Variants in ERBIN observed in about 807,000 individuals in gnomAD.
ERBIN encodes the protein erbb2 interacting protein, also known as densin-180-like protein.
A neutral mutation model predicts 158.4 loss-of-function variants in ERBIN; 60 were observed. That is an observed-to-expected ratio of 0.38 (90% CI 0.31 to 0.47). The LOEUF is 0.47. Ranked by LOEUF, ERBIN falls within the 20% of genes least tolerant of loss-of-function variation. The probability of loss-of-function intolerance (pLI) is 0.99; values close to 1 mark genes in which losing one functional copy is unlikely to be tolerated. For missense variants in ERBIN, 1,610 were observed against 1,648.0 expected (o/e 0.98, Z 0.40); for synonymous variants, 594 against 557.2 (o/e 1.07, Z -0.93).
chr5:65,941,803 C>G (rs766746916), intron 1 of ERBIN, among the ~76,000 whole-genome samples: 7 of 151,854 alleles, frequency 4.6e-5, no homozygotes, highest in Admixed American at 3.9e-4. Context: ...TGCAGTGGCA[C>G]GATCTCTGCT....
intron 1 of ERBIN, among the ~76,000 whole-genome samples, chr5:65,949,677 A>C (rs1746262592): frequency 1.3e-5 from 2 of 152,224 alleles, no homozygotes; most frequent in Admixed American, 1.3e-4. Flanking sequence ...TTATATAGAC[A>C]TGGTACATTT....
At chr5:66,018,131 T>A (rs961380971) in intron 7 of ERBIN, among the ~76,000 whole-genome samples, 1 of 151,918 alleles carries the variant, frequency 6.6e-6, no homozygotes, top group Non-Finnish European at 1.5e-5. Flanking sequence ...TTGTTCTTTT[T>A]GCTTAGCATC....
intron 16 of ERBIN, among the ~76,000 whole-genome samples, chr5:66,043,828 A>T (rs1453724884): frequency 2.6e-5 from 4 of 152,202 alleles, no homozygotes; most frequent in African/African-American, 7.2e-5. Flanking sequence ...TGAATAGCTG[A>T]AAAATGTGTA....
chr5:65,945,717 G>C (rs992554796), intron 1 of ERBIN, among the ~76,000 whole-genome samples: 1 of 152,120 alleles, frequency 6.6e-6, no homozygotes, highest in Non-Finnish European at 1.5e-5. Context: ...TAAAAATAAA[G>C]TTAAAATTCA....
intron 22 of ERBIN, among the ~76,000 whole-genome samples, chr5:66,074,672 T>C (rs1447122897): frequency 6.6e-6 from 1 of 152,212 alleles, no homozygotes; most frequent in Non-Finnish European, 1.5e-5. Flanking sequence ...AATTTTGGTA[T>C]ACTATGTGCC....
At chr5:65,979,877 A>G (rs1007097188) in intron 1 of ERBIN, among the ~76,000 whole-genome samples, 1 of 152,228 alleles carries the variant, frequency 6.6e-6, no homozygotes, top group African/African-American at 2.4e-5. Context: ...TATAGTATGT[A>G]TCAGTAAAAT....
intron 4 of ERBIN, among the ~76,000 whole-genome samples, chr5:66,001,423 A>AT (rs1452209515): frequency 6.6e-6 from 1 of 152,032 alleles, no homozygotes; most frequent in Non-Finnish European, 1.5e-5. Flanking sequence ...TGCTTTTAGG[A>AT]TTTTGGCTTT....
rs1755234958 is a variant in ERBIN at position 66,018,552 on chromosome 5, ATT to A, written c.534-2769_534-2768del. ...TTATATTATATAATATATATTATATATTATATAATATATATTATATTATATAA... is the reference window on the plus strand; with the variant it reads ...TTATATTATATAATATATATTATATAATATAATATATATTATATTATATAA... On this transcript the variant is annotated intron_variant, in intron 7 of 25. Coordinates refer to ENST00000284037, the MANE Select transcript of ERBIN (RefSeq NM_001253697.2). Among the ~76,000 whole-genome samples, 11 of 13,308 alleles carry A rather than the reference ATT, an allele frequency of 8.3e-4. 4 individuals are homozygous for A. Among genetic ancestry groups the A allele is most frequent in the African/African-American group, 5.7e-3 (11 of 1,940 alleles). The allele number at this position is 13,308 out of a possible 152,430, so 8.7% of individuals were successfully genotyped here.
intron 1 of ERBIN, among the ~76,000 whole-genome samples, chr5:65,978,927 C>T (rs6878009): frequency 0.04 from 6,105 of 152,150 alleles, 416 homozygotes; most frequent in African/African-American, 0.14. Context: ...AACTGCAACC[C>T]AAGCTTCTAC....
At chr5:66,000,154 T>G (rs1752873291) in intron 4 of ERBIN, among the ~76,000 whole-genome samples, 1 of 152,208 alleles carries the variant, frequency 6.6e-6, no homozygotes, top group African/African-American at 2.4e-5. Flanking sequence ...GGGTATTGAT[T>G]AAAAATCGTA....
chr5:65,938,366 T>C (rs1017760919), intron 1 of ERBIN, among the ~76,000 whole-genome samples: 2 of 128,730 alleles, frequency 1.6e-5, no homozygotes, highest in Non-Finnish European at 3.2e-5. Flanking sequence ...TGAGCAGGCA[T>C]AGGTCTTTTT....
chr5:66,011,371 T>A (rs75712375), intron 4 of ERBIN, among the ~76,000 whole-genome samples: 1,687 of 152,228 alleles, frequency 0.011, 96 homozygotes, highest in Admixed American at 0.091. Flanking sequence ...AGGAACCAGC[T>A]CAATCAAGAG....
chr5:65,940,714 G>A (rs1194404197), intron 1 of ERBIN, among the ~76,000 whole-genome samples: 4 of 147,062 alleles, frequency 2.7e-5, no homozygotes, highest in African/African-American at 1.0e-4. Context: ...CCCCCCGCCC[G>A]GCCAGCCGCC....
At chr5:66,039,433 T>C (rs886844045) in intron 15 of ERBIN, among the ~76,000 whole-genome samples, 2 of 151,902 alleles carry the variant, frequency 1.3e-5, no homozygotes, top group African/African-American at 4.8e-5. Flanking sequence ...ATTTAGAGGA[T>C]GCTTACCCTT....
At chr5:65,987,367 T>TACACACACAAAC in intron 1 of ERBIN, among the ~76,000 whole-genome samples, 1 of 135,798 alleles carries the variant, frequency 7.4e-6, no homozygotes, top group African/African-American at 2.8e-5. Flanking sequence ...AGAGACTGTC[T>TACACACACAAAC]ACACACACAC....
intron 18 of ERBIN, 110 bp downstream of exon 18, chr5:66,046,648 A>G (rs1269060079): frequency 4.6e-6 from 4 of 862,196 alleles, no homozygotes; most frequent in African/African-American, 1.7e-5. Flanking sequence ...TAATGCATTC[A>G]TCATTGAGAA....
intron 1 of ERBIN, among the ~76,000 whole-genome samples, chr5:65,981,910 C>A (rs1396210003): frequency 6.6e-6 from 1 of 152,176 alleles, no homozygotes; most frequent in African/African-American, 2.4e-5. Flanking sequence ...AAACAAGTCA[C>A]AAGGCCTGCC....
At chr5:65,951,104 C>T (rs982750393) in intron 1 of ERBIN, among the ~76,000 whole-genome samples, 14 of 152,140 alleles carry the variant, frequency 9.2e-5, no homozygotes, top group African/African-American at 3.4e-4. Context: ...GCTGGTGACA[C>T]GCCGGTGGAA....
intron 20 of ERBIN, 79 bp downstream of exon 20, chr5:66,051,045 T>C (rs1758970068): frequency 2.3e-6 from 2 of 861,484 alleles, no homozygotes; most frequent in South Asian, 3.6e-5. Context: ...CATAAATATA[T>C]AGGGTTTAAT....
Sources: allele counts gnomAD v4.1 joint callset (sites outside exome capture counted in the v4.1 genomes callset), GRCh38; gene constraint gnomAD v4.1.1; transcripts MANE v1.5; gene names NCBI Gene and HGNC (gene_info 2026-07-23, HGNC 2026-07-21).